Variants in CACNA1E observed in about 807,000 individuals in gnomAD.
CACNA1E encodes calcium voltage-gated channel subunit alpha1 E, also known as voltage-dependent R-type calcium channel subunit alpha-1E.
In CACNA1E, 40 loss-of-function variants were observed where a neutral mutation model predicts 259.2. The ratio of observed to expected loss-of-function variants is 0.15; its 90% CI spans 0.12 to 0.20. The LOEUF is 0.20. CACNA1E is among the 10% of genes least tolerant of loss of function. The pLI, the probability that CACNA1E is intolerant of heterozygous loss-of-function variation, is 1.00. For missense variants in CACNA1E, 1,874 were observed against 3,040.1 expected (o/e 0.62, Z 9.02); for synonymous variants, 1,104 against 1,138.5 (o/e 0.97, Z 0.61).
intron 1 of CACNA1E, among the ~76,000 whole-genome samples, chr1:181,496,010 G>A (rs1271837529): frequency 1.5e-4 from 23 of 152,158 alleles, no homozygotes; most frequent in Non-Finnish European, 2.9e-5. Flanking sequence ...ATTTCCCTGA[G>A]ATCGCACAGT....
At chr1:181,428,007 A>G (rs6703397) in intron 2 of CACNA1E, among the ~76,000 whole-genome samples, 60,415 of 151,812 alleles carry the variant, frequency 0.4, 12,276 homozygotes, top group African/African-American at 0.46. Flanking sequence ...AACCCTATCA[A>G]TGGATGTTCC....
At chr1:181,581,116 T>C (rs1651472693) in intron 6 of CACNA1E, among the ~76,000 whole-genome samples, 1 of 152,118 alleles carries the variant, frequency 6.6e-6, no homozygotes, top group East Asian at 1.9e-4. Flanking sequence ...TAATGTATGA[T>C]ACTGGCTGCC....
chr1:181,701,055 A>G (rs903973238), intron 7 of CACNA1E, among the ~76,000 whole-genome samples: 42 of 152,262 alleles, frequency 2.8e-4, no homozygotes, highest in Admixed American at 1.3e-3. Context: ...GTGATGAACC[A>G]TGACATTTTG....
intron 3 of CACNA1E, among the ~76,000 whole-genome samples, chr1:181,557,669 T>G (rs1166555386): frequency 6.6e-6 from 1 of 152,230 alleles, no homozygotes; most frequent in Non-Finnish European, 1.5e-5. Flanking sequence ...CCTTCCTGTC[T>G]ACTTTCTCAA....
intron 6 of CACNA1E, among the ~76,000 whole-genome samples, chr1:181,646,792 G>T (rs1658305568): frequency 6.6e-6 from 1 of 152,142 alleles, no homozygotes; most frequent in Non-Finnish European, 1.5e-5. Context: ...CAGTCCCCTG[G>T]AGATTAATGT....
chr1:181,717,299 C>T lies in CACNA1E; in HGVS notation c.1522C>T (p.Leu508Phe). Residue 508 changes from leucine (L) to phenylalanine (F), a missense_variant, in exon 11 of 48, where the codon CTC (leucine) becomes TTC (phenylalanine). Leu to Phe is a conservative substitution (Grantham distance 22, BLOSUM62 0). This residue lies in a region of CACNA1E where 157 missense variants were observed against 203.5 expected (regional missense o/e 0.77). Transcript: ENST00000367573. ...CCAGCCCCAGTGGCTCACCCACCTC[C>T]TCTGTAAGTAAAGCCTCTCTCTAAA... Reference protein sequence around the residue: ...HNQPQWLTHLLYYAEFLFLGL... With the variant: ...HNQPQWLTHLFYYAEFLFLGL... The T allele has an allele frequency of 1.2e-6, 2 of 1,612,640 alleles. No individual in the cohort carries two copies. Among genetic ancestry groups the T allele is most frequent in the Admixed American group, 1.7e-5 (1 of 60,022 alleles).
intron 18 of CACNA1E, among the ~76,000 whole-genome samples, chr1:181,729,644 A>T (rs1655281837): frequency 6.6e-6 from 1 of 152,238 alleles, no homozygotes; most frequent in Admixed American, 6.5e-5. Context: ...TGAGGCGTAC[A>T]CAAGGTCTCA....
At chr1:181,728,941 G>T (rs1400421780) in intron 18 of CACNA1E, among the ~76,000 whole-genome samples, 1 of 70,436 alleles carries the variant, frequency 1.4e-5, no homozygotes, top group Admixed American at 1.3e-4. Flanking sequence ...TCAGGTGTGT[G>T]TGCCCTGCTC....
chr1:181,420,358 C>T (rs1382475051), intron 2 of CACNA1E, among the ~76,000 whole-genome samples: 1 of 152,132 alleles, frequency 6.6e-6, no homozygotes, highest in Non-Finnish European at 1.5e-5. Context: ...TTCCTCAGGC[C>T]CACTTTTCAG....
At chr1:181,435,732 T>C (rs1399429779) in intron 2 of CACNA1E, among the ~76,000 whole-genome samples, 2 of 152,232 alleles carry the variant, frequency 1.3e-5, no homozygotes, top group African/African-American at 4.8e-5. Context: ...CTCAAATTGA[T>C]ACTAATACAG....
intron 6 of CACNA1E, among the ~76,000 whole-genome samples, chr1:181,634,509 G>A (rs1572439011): frequency 2.6e-5 from 4 of 152,286 alleles, no homozygotes; most frequent in Admixed American, 2.6e-4. Flanking sequence ...CATAGCAACA[G>A]CAATTATATC....
chr1:181,365,262 G>A (rs573334203), intron 1 of CACNA1E, among the ~76,000 whole-genome samples: 4 of 152,330 alleles, frequency 2.6e-5, no homozygotes, highest in African/African-American at 9.6e-5. Context: ...CAACCTCCCA[G>A]GCTCAAGTGA....
chr1:181,763,485 G>A lies in CACNA1E; in HGVS notation c.4769G>A (p.Gly1590Asp), dbSNP rs1658764160. The A allele has an allele frequency of 6.2e-7, 1 of 1,601,340 alleles. No individual in the cohort carries two copies. The highest frequency in any genetic ancestry group is 8.5e-7 in the Non-Finnish European group (1 of 1,169,670). ...AARLIKLLRQ[G>D]YTIRILLWTF... is the part of the protein sequence containing the mutation. Reference sequence around the variant, plus strand: ...CGCCTCATAAAGCTCCTGCGTCAGGGCTATACCATACGCATTTTGCTGTGG... The same window carrying A: ...CGCCTCATAAAGCTCCTGCGTCAGGACTATACCATACGCATTTTGCTGTGG... Residue 1590 changes from glycine to aspartate, a missense_variant, in exon 34 of 48, where the codon GGC (glycine) becomes GAC (aspartate). This residue lies in a region of CACNA1E where 188 missense variants were observed against 540.6 expected (regional missense o/e 0.35). Coordinates refer to ENST00000367573, the MANE Select transcript of CACNA1E (RefSeq NM_001205293.3).
intron 7 of CACNA1E, among the ~76,000 whole-genome samples, chr1:181,665,060 T>C (rs1272162424): frequency 6.6e-6 from 1 of 152,158 alleles, no homozygotes; most frequent in Non-Finnish European, 1.5e-5. Context: ...ACCAAGTTCT[T>C]AGGTAACTGA....
chr1:181,770,321 A>C (rs1181595238), intron 35 of CACNA1E, among the ~76,000 whole-genome samples: 2 of 152,192 alleles, frequency 1.3e-5, no homozygotes, highest in Admixed American at 1.3e-4. Flanking sequence ...AGGAGGGTGC[A>C]TGTGAAAGCC....
At chr1:181,538,092 T>C (rs576920934) in intron 3 of CACNA1E, among the ~76,000 whole-genome samples, 1 of 152,330 alleles carries the variant, frequency 6.6e-6, no homozygotes, top group African/African-American at 2.4e-5. Flanking sequence ...GTCTTAGTGT[T>C]TTTATGTAAT....
chr1:181,582,744 A>G (rs1427278628), intron 6 of CACNA1E, among the ~76,000 whole-genome samples: 2 of 152,180 alleles, frequency 1.3e-5, no homozygotes, highest in Non-Finnish European at 2.9e-5. Context: ...GGGAGAAAAA[A>G]GTGCCATGAT....
rs754223861 is a variant in CACNA1E, at chr1:181,717,193, G to T, written c.1416G>T (p.Met472Ile). Residue 472 changes from methionine (M) to isoleucine (I), a missense_variant, in exon 11 of 48, where the codon ATG becomes ATT. Coordinates refer to ENST00000367573, the MANE Select transcript of CACNA1E (RefSeq NM_001205293.3). ...ERLLRISIRH[M>I]VKSQVFYWIV... The stretch of plus-strand genomic sequence containing the variant: ...TTCTGCGCATCTCCATTCGCCACAT[G>T]GTTAAATCCCAGGTGTTTTACTGGA... 2 of 1,614,012 alleles carry T rather than the reference G, an allele frequency of 1.2e-6. No individual in the cohort carries two copies. Among genetic ancestry groups the T allele is most frequent in the Non-Finnish European group, 1.7e-6 (2 of 1,179,872 alleles).
At chr1:181,579,621 G>A (rs1651318016) in intron 5 of CACNA1E, among the ~76,000 whole-genome samples, 1 of 152,096 alleles carries the variant, frequency 6.6e-6, no homozygotes, top group Non-Finnish European at 1.5e-5. Context: ...TGGACAACTA[G>A]TGTCTCTCTG....
Sources: gnomAD v4.1 joint callset for allele counts (sites outside exome capture counted in the v4.1 genomes callset) on GRCh38, gnomAD v4.1.1 for gene constraint, gnomAD v4.1.1 regional missense constraint, MANE v1.5 for transcripts, NCBI Gene and HGNC (gene_info 2026-07-23, HGNC 2026-07-21) for gene names.